The following EYS variants were observed in gnomAD, a reference collection of about 807,000 sequenced individuals.
EYS encodes EGF-like photoreceptor maintenance factor, also known as protein eyes shut homolog.
EYS carries 250 observed loss-of-function variants against 282.1 expected under a neutral mutation model. That is an observed-to-expected ratio of 0.89 (90% confidence interval 0.80 to 0.98). The LOEUF (loss-of-function observed/expected upper bound fraction) is 0.98, where lower values mean the gene tolerates loss of function less well. EYS is among the 50% of genes least tolerant of loss of function. The pLI is 0.00. For missense variants in EYS, 4,016 were observed against 3,709.0 expected (o/e 1.08, Z -2.15); for synonymous variants, 1,355 against 1,282.9 (o/e 1.06, Z -1.20).
At chr6:64,484,519 A>T (rs1333705345) in intron 26 of EYS, among the ~76,000 whole-genome samples, 1 of 151,596 alleles carries the variant, frequency 6.6e-6, no homozygotes, top group East Asian at 1.9e-4. Context: ...TTGACATTGA[A>T]CTACTTAGGT....
chr6:64,428,148 G>A (rs1346722239), intron 28 of EYS, among the ~76,000 whole-genome samples: 1 of 152,076 alleles, frequency 6.6e-6, no homozygotes, highest in African/African-American at 2.4e-5. Context: ...AATATTGCAA[G>A]TTTCTCTTAA....
chr6:64,964,532 G>A (rs1043747243), intron 14 of EYS, among the ~76,000 whole-genome samples: 1 of 151,852 alleles, frequency 6.6e-6, no homozygotes, highest in Non-Finnish European at 1.5e-5. Flanking sequence ...AATATTTGTT[G>A]ATAAAATATC....
intron 5 of EYS, chr6:65,490,364 T>A (rs534577534): frequency 2.7e-6 from 1 of 367,430 alleles, no homozygotes; most frequent in Non-Finnish European, 5.0e-6. Flanking sequence ...GTGAAAAGCA[T>A]GTGAACTGTT....
intron 26 of EYS, among the ~76,000 whole-genome samples, chr6:64,562,124 G>T (rs1267489815): frequency 6.6e-6 from 1 of 151,382 alleles, no homozygotes; most frequent in Non-Finnish European, 1.5e-5. Context: ...CAAAGTATCA[G>T]GCCTTCTTAG....
chr6:64,282,956 T>A (rs1768362558), intron 30 of EYS, among the ~76,000 whole-genome samples: 1 of 152,180 alleles, frequency 6.6e-6, no homozygotes, highest in Admixed American at 6.5e-5. Flanking sequence ...ATATATTACA[T>A]CATGTCTTGT....
chr6:64,359,640 G>A (rs1200151025), intron 29 of EYS, among the ~76,000 whole-genome samples: 2 of 151,680 alleles, frequency 1.3e-5, no homozygotes, highest in Non-Finnish European at 3.0e-5. Flanking sequence ...AAAGATTGGG[G>A]TGCCAGTGAA....
chr6:63,877,089 T>G (rs1350168678), intron 35 of EYS, among the ~76,000 whole-genome samples: 1 of 152,244 alleles, frequency 6.6e-6, no homozygotes, highest in African/African-American at 2.4e-5. Context: ...TTTGGCATGA[T>G]TTTGCAGCGG....
intron 35 of EYS, among the ~76,000 whole-genome samples, chr6:63,924,611 A>G (rs1366921027): frequency 6.6e-6 from 1 of 152,216 alleles, no homozygotes; most frequent in East Asian, 1.9e-4. Flanking sequence ...AGCCCTTAAC[A>G]ATCTTTGTAA....
At chr6:65,404,542 A>T (rs1049206996) in intron 6 of EYS, among the ~76,000 whole-genome samples, 2 of 152,012 alleles carry the variant, frequency 1.3e-5, no homozygotes, top group Admixed American at 1.3e-4. Flanking sequence ...GGTCTAGTAT[A>T]TGGTACATTG....
At chr6:64,984,360 C>T (rs903118270) in intron 14 of EYS, among the ~76,000 whole-genome samples, 18 of 151,394 alleles carry the variant, frequency 1.2e-4, no homozygotes, top group Admixed American at 3.3e-4. Flanking sequence ...ATATTTTCCA[C>T]ACCATTTTTG....
Position 64,342,539 on chromosome 6 carries a change from C to T in EYS, c.6079-35457G>A, listed in dbSNP as rs182923590. Among the ~76,000 whole-genome samples, 361 of 152,080 alleles carry T rather than the reference C, an allele frequency of 2.4e-3. 2 individuals carry two copies. The highest frequency in any genetic ancestry group is 8.1e-3 in the African/African-American group (338 of 41,524). ...CTGAGAGATTTTGTCACCACCAGTC[C>T]TGCCCTAAAAGAGCTCCTGAAGGAA... is the stretch of plus-strand genomic sequence containing the variant. On this transcript the variant is annotated intron_variant, in intron 29 of 42. Coordinates refer to ENST00000503581, the MANE Select transcript of EYS (RefSeq NM_001142800.2).
intron 26 of EYS, among the ~76,000 whole-genome samples, chr6:64,471,329 T>C (rs866855149): frequency 8.5e-5 from 13 of 152,226 alleles, no homozygotes; most frequent in Non-Finnish European, 1.6e-4. Flanking sequence ...GATATAATCC[T>C]ATGTAGAGAA....
At chr6:64,125,307 T>C (rs1447571014) in intron 31 of EYS, among the ~76,000 whole-genome samples, 1 of 151,998 alleles carries the variant, frequency 6.6e-6, no homozygotes, top group Non-Finnish European at 1.5e-5. Flanking sequence ...TGGCTTGGCT[T>C]TTCTGGTGGT....
intron 12 of EYS, among the ~76,000 whole-genome samples, chr6:65,180,648 T>C (rs1177225198): frequency 6.6e-6 from 1 of 152,116 alleles, no homozygotes; most frequent in Non-Finnish European, 1.5e-5. Context: ...AATTTATAGA[T>C]ACAATGCCAT....
At chr6:64,829,269 C>T (rs536448666) in intron 19 of EYS, among the ~76,000 whole-genome samples, 67 of 152,118 alleles carry the variant, frequency 4.4e-4, no homozygotes, top group African/African-American at 1.6e-3. Flanking sequence ...GCATCAGCCA[C>T]CACAATGGTG....
At chr6:64,859,835 T>A (rs1766178455) in intron 19 of EYS, among the ~76,000 whole-genome samples, 1 of 152,208 alleles carries the variant, frequency 6.6e-6, no homozygotes, top group Admixed American at 6.5e-5. Flanking sequence ...ATAATTAATA[T>A]TGTGAAAATG....
intron 22 of EYS, among the ~76,000 whole-genome samples, chr6:64,659,298 T>G (rs1768895712): frequency 6.6e-6 from 1 of 152,090 alleles, no homozygotes; most frequent in South Asian, 2.1e-4. Flanking sequence ...GATTTAAAAT[T>G]GACACCCTAA....
intron 14 of EYS, among the ~76,000 whole-genome samples, chr6:64,950,834 T>G (rs1583323770): frequency 1.2e-5 from 1 of 81,200 alleles, no homozygotes; most frequent in Non-Finnish European, 2.5e-5. Flanking sequence ...TATATATATA[T>G]TGTTGAATTG....
chr6:64,578,595 CTT>C (rs1765960160), intron 26 of EYS, among the ~76,000 whole-genome samples: 1 of 143,220 alleles, frequency 7.0e-6, no homozygotes, highest in Non-Finnish European at 1.5e-5. Context: ...TTCTCTCTCT[CTT>C]TGTGTGTGTG....
Sources: gnomAD v4.1 joint callset for allele counts (sites outside exome capture counted in the v4.1 genomes callset) on GRCh38, gnomAD v4.1.1 for gene constraint, MANE v1.5 for transcripts, NCBI Gene and HGNC (gene_info 2026-07-23, HGNC 2026-07-21) for gene names.